Variants in LMCD1 observed in about 807,000 individuals in gnomAD.
The protein encoded by LMCD1 is LIM and cysteine rich domains 1, also known as LIM and cysteine-rich domains protein 1.
Under a neutral mutation model 42.7 loss-of-function variants are expected in LMCD1, and 32 were observed. That is an observed-to-expected ratio of 0.75 (90% confidence interval 0.57 to 1.01). The LOEUF is 1.01. Ranked by LOEUF, LMCD1 falls within the 50% of genes least tolerant of loss-of-function variation. The pLI, the probability that LMCD1 is intolerant of heterozygous loss-of-function variation, is 0.00. For synonymous variants in LMCD1, 178 were observed against 184.9 expected (o/e 0.96, Z 0.30); for missense variants, 458 against 483.1 (o/e 0.95, Z 0.49).
Position 8,532,781 on chromosome 3 carries a change from G to C in LMCD1, c.87G>C (p.Leu29Phe). 1 of 1,613,832 alleles carries C rather than the reference G, an allele frequency of 6.2e-7. No homozygotes were observed. Among genetic ancestry groups the C allele is most frequent in the Non-Finnish European group, 8.5e-7 (1 of 1,179,894 alleles). The change falls in exon 2 of 6, where the codon TTG (leucine) becomes TTC (phenylalanine). Residue 29 changes from leucine to phenylalanine, a missense_variant. Physicochemically the swap from Leu to Phe is conservative, Grantham distance 22. Transcript: ENST00000157600. ...QLQSARGVAC[L>F]GCKGTCSGFE... Reference sequence around the variant, plus strand: ...AGTCAGCAAGAGGTGTGGCATGTTTGGGATGCAAGGGGACGTGTTCGGGCT... The same window carrying C: ...AGTCAGCAAGAGGTGTGGCATGTTTCGGATGCAAGGGGACGTGTTCGGGCT...
chr3:8,516,968 G>A (rs994093064), intron 1 of LMCD1, among the ~76,000 whole-genome samples: 33 of 152,318 alleles, frequency 2.2e-4, no homozygotes, highest in African/African-American at 7.7e-4. Context: ...CCAGGTGCCA[G>A]GCATTGTGCT....
intron 4 of LMCD1, chr3:8,550,195 A>T: frequency 8.0e-7 from 1 of 1,254,286 alleles, no homozygotes. Flanking sequence ...GGCGAAAGGA[A>T]TGCTTGAGGC....
At chr3:8,542,682 C>G (rs1385129261) in intron 3 of LMCD1, among the ~76,000 whole-genome samples, 1 of 152,188 alleles carries the variant, frequency 6.6e-6, no homozygotes, top group Non-Finnish European at 1.5e-5. Flanking sequence ...CTTGGAAAAT[C>G]ATCCGTCTTC....
chr3:8,539,975 C>A (rs918236691), intron 3 of LMCD1, among the ~76,000 whole-genome samples: 2 of 146,120 alleles, frequency 1.4e-5, no homozygotes, highest in African/African-American at 4.9e-5. Flanking sequence ...CTCCCCCAGG[C>A]CCCCACCCCA....
chr3:8,538,859 G>A (rs918254052), intron 3 of LMCD1, among the ~76,000 whole-genome samples: 1 of 152,214 alleles, frequency 6.6e-6, no homozygotes, highest in Admixed American at 6.5e-5. Flanking sequence ...CAGGACAGGT[G>A]TGACGAGTGT....
chr3:8,567,554 G>T lies in LMCD1; in HGVS notation c.1054G>T (p.Gly352Cys). ...CGGCCGGGCGTACATCGTCACCAAG[G>T]GTCAGCTTCTGTGCCCAACTTGCAG... ...LSGRAYIVTKGQLLCPTCSKS... is the reference protein window; with the variant it reads ...LSGRAYIVTKCQLLCPTCSKS... The change falls in exon 6 of 6, where the codon GGT (glycine) becomes TGT (cysteine). Residue 352 changes from glycine to cysteine, a missense_variant. Transcript: ENST00000157600. 1 of 1,613,658 alleles carries T rather than the reference G, an allele frequency of 6.2e-7. No homozygotes were observed. The highest frequency in any genetic ancestry group is 8.5e-7 in the Non-Finnish European group (1 of 1,179,924).
At chr3:8,563,591 A>C (rs529002153) in intron 4 of LMCD1, among the ~76,000 whole-genome samples, 2 of 152,368 alleles carry the variant, frequency 1.3e-5, no homozygotes, top group African/African-American at 4.8e-5. Context: ...GCTAACATAC[A>C]TGGAGTCCTT....
At chr3:8,525,493 A>G (rs1254415254) in intron 1 of LMCD1, among the ~76,000 whole-genome samples, 1 of 152,070 alleles carries the variant, frequency 6.6e-6, no homozygotes, top group Non-Finnish European at 1.5e-5. Flanking sequence ...TTGTTTCCAT[A>G]TCTTGGCTAT....
At chr3:8,554,972 C>T (rs1694905282) in intron 4 of LMCD1, among the ~76,000 whole-genome samples, 1 of 152,168 alleles carries the variant, frequency 6.6e-6, no homozygotes, top group Non-Finnish European at 1.5e-5. Context: ...CCTTCCCCAA[C>T]CACTCCTTCC....
chr3:8,530,437 T>C (rs1694391058), intron 1 of LMCD1, among the ~76,000 whole-genome samples: 1 of 152,188 alleles, frequency 6.6e-6, no homozygotes, highest in Non-Finnish European at 1.5e-5. Flanking sequence ...CTATTCTAAA[T>C]CAAACCCCGA....
intron 3 of LMCD1, among the ~76,000 whole-genome samples, chr3:8,538,960 T>C (rs1388160580): frequency 6.6e-6 from 1 of 152,078 alleles, no homozygotes; most frequent in Non-Finnish European, 1.5e-5. Flanking sequence ...CTGGACCCAA[T>C]GAAAAAAGTT....
intron 5 of LMCD1, among the ~76,000 whole-genome samples, chr3:8,566,908 G>A (rs1345672298): frequency 6.6e-6 from 1 of 152,186 alleles, no homozygotes; most frequent in Non-Finnish European, 1.5e-5. Context: ...CACAAAGCTG[G>A]TAGATGTCTT....
intron 1 of LMCD1, among the ~76,000 whole-genome samples, chr3:8,529,188 A>G (rs9810512): frequency 0.44 from 66,220 of 151,998 alleles, 15,228 homozygotes; most frequent in Non-Finnish European, 0.52. Context: ...CTCAGTAAAC[A>G]AGATCGTTCT....
At chr3:8,547,109 A>G (rs941506809) in intron 3 of LMCD1, among the ~76,000 whole-genome samples, 1 of 152,242 alleles carries the variant, frequency 6.6e-6, no homozygotes, top group Non-Finnish European at 1.5e-5. Flanking sequence ...ATTGAAAACT[A>G]CAGTGTTCCT....
intron 1 of LMCD1, among the ~76,000 whole-genome samples, chr3:8,521,257 A>G (rs1279471092): frequency 6.6e-6 from 1 of 152,168 alleles, no homozygotes; most frequent in East Asian, 1.9e-4. Flanking sequence ...AGAATGTTCA[A>G]CAAGGAGCCC....
At chr3:8,519,749 A>G (rs1364438283) in intron 1 of LMCD1, among the ~76,000 whole-genome samples, 1 of 151,544 alleles carries the variant, frequency 6.6e-6, no homozygotes, top group Non-Finnish European at 1.5e-5. Flanking sequence ...AGCAAAAAAA[A>G]AAAAAGAAAA....
At chr3:8,528,836 C>T (rs1694350870) in intron 1 of LMCD1, among the ~76,000 whole-genome samples, 2 of 152,236 alleles carry the variant, frequency 1.3e-5, no homozygotes, top group Middle Eastern at 3.4e-3. Context: ...CAGAGTTGCC[C>T]CTGCTCCTTG....
chr3:8,552,664 T>C (rs1694862911), intron 4 of LMCD1, among the ~76,000 whole-genome samples: 1 of 152,206 alleles, frequency 6.6e-6, no homozygotes, highest in African/African-American at 2.4e-5. Flanking sequence ...CAATTTGGCC[T>C]ATAGTGAGAG....
intron 4 of LMCD1, chr3:8,550,727 CT>C (rs61689064): frequency 0.26 from 252,859 of 984,352 alleles, 35,771 homozygotes; most frequent in African/African-American, 0.56. Flanking sequence ...ATAAACTGGT[CT>C]TTTCCCGCCC....
Sources: allele counts gnomAD v4.1 joint callset (sites outside exome capture counted in the v4.1 genomes callset), GRCh38; gene constraint gnomAD v4.1.1; transcripts MANE v1.5; gene names NCBI Gene and HGNC (gene_info 2026-07-23, HGNC 2026-07-21).